The following OR2T3 variants were observed in gnomAD, a reference collection of about 807,000 sequenced individuals.
OR2T3 encodes olfactory receptor 2T3.
For synonymous variants in OR2T3, 66 were observed against 157.4 expected (o/e 0.42, Z 4.35); for missense variants, 159 against 396.3 (o/e 0.40, Z 5.08).
Position 248,473,405 on chromosome 1 carries a change from C to T in OR2T3, c.55C>T (p.Leu19Phe). The change falls in exon 1 of 1, where the codon CTC (leucine) becomes TTC (phenylalanine). Residue 19 changes from leucine to phenylalanine, a missense_variant. Coordinates refer to ENST00000359594, the MANE Select transcript of OR2T3 (RefSeq NM_001005495.1). ...QNQTASTDFT[L>F]TGLFAESKHA... ...TCAAACAGCAAGCACTGATTTCACC[C>T]TCACGGGACTCTTTGCTGAGAGCAA... The T allele has an allele frequency of 6.7e-7, 1 of 1,494,516 alleles. No homozygotes were observed. 92.6% of individuals were successfully genotyped at this position (1,494,516 alleles called of 1,614,324 possible).
In OR2T3 at chr1:248,473,367, A is replaced by G. The variant is rs947088238; in HGVS notation, c.17A>G (p.Gln6Arg). ...GAGCCAGTCATGTGCTCAGGGAATC[A>G]GACTTCTCAGAATCAAACAGCAAGC... Reference protein sequence around the residue: MCSGNQTSQNQTASTD... With the variant: MCSGNRTSQNQTASTD... Residue 6 changes from glutamine (Q) to arginine (R), a missense_variant, in exon 1 of 1, where the codon CAG becomes CGG. By Grantham distance (43) the Gln-to-Arg change is conservative. Transcript: ENST00000359594. 1.4e-6 allele frequency: 2 copies of G among 1,410,274 alleles called. No homozygotes were observed. The highest frequency in any genetic ancestry group is 2.0e-6 in the Non-Finnish European group (2 of 1,004,406). 87.4% of individuals were successfully genotyped at this position (1,410,274 alleles called of 1,614,324 possible).
Position 248,473,997 on chromosome 1 carries a change from T to G in OR2T3, c.647T>G (p.Ile216Ser). ...LCCILMLLAP[I>S]MVISSSYTLI... ...TGCATCCTCATGCTTCTCGCCCCCA[T>G]CATGGTCATCTCCAGCTCATACACC... Residue 216 changes from isoleucine to serine, a missense_variant, in exon 1 of 1, where the codon ATC becomes AGC. Transcript: ENST00000359594. The G allele has an allele frequency of 3.3e-6, 5 of 1,532,130 alleles. No individual in the cohort carries two copies. Among genetic ancestry groups the G allele is most frequent in the Non-Finnish European group, 4.4e-6 (5 of 1,127,122 alleles). The allele number at this position is 1,532,130 out of a possible 1,614,324, so 94.9% of individuals were successfully genotyped here.
In OR2T3 at chr1:248,473,357, T is replaced by C. The variant is rs374584382; in HGVS notation, c.7T>C (p.Ser3Pro). ...GGGGGAAACTGAGCCAGTCATGTGC[T>C]CAGGGAATCAGACTTCTCAGAATCA... MC[S>P]GNQTSQNQTA... The change falls in exon 1 of 1, where the codon TCA becomes CCA. Residue 3 changes from serine (S) to proline (P), a missense_variant. Coordinates refer to ENST00000359594, the MANE Select transcript of OR2T3 (RefSeq NM_001005495.1). The C allele has an allele frequency of 5.7e-6, 8 of 1,397,454 alleles. No individual in the cohort carries two copies. In the African/African-American group the frequency reaches 1.1e-4, roughly 19 times the overall value. The allele number at this position is 1,397,454 out of a possible 1,614,324, so 86.6% of individuals were successfully genotyped here.
chr1:248,473,802 C>CA lies in OR2T3; in HGVS notation c.453dup (p.Ala152SerfsTer9). 1 of 1,595,910 alleles carries CA rather than the reference C, an allele frequency of 6.3e-7. No homozygotes were observed. The highest frequency in any genetic ancestry group is 8.6e-7 in the Non-Finnish European group (1 of 1,167,956). On this transcript the variant is annotated frameshift_variant, in exon 1 of 1. Transcript: ENST00000359594. LOFTEE classifies it low-confidence loss of function (END_TRUNC). Reference sequence around the variant, plus strand: ...CAGAGGGTGTGCCAGCTCCTGGTGTCAGCCTGCTGGGTTTTGGGAATGGTT... The same window carrying CA: ...CAGAGGGTGTGCCAGCTCCTGGTGTCAAGCCTGCTGGGTTTTGGGAATGGTT...
Position 248,474,002 on chromosome 1 carries a change from G to C in OR2T3, c.652G>C (p.Val218Leu), listed in dbSNP as rs148351879. ...CCTCATGCTTCTCGCCCCCATCATGGTCATCTCCAGCTCATACACCCTCAT... is the reference window on the plus strand; with the variant it reads ...CCTCATGCTTCTCGCCCCCATCATGCTCATCTCCAGCTCATACACCCTCAT... Reference protein sequence around the residue: ...CILMLLAPIMVISSSYTLILH... With the variant: ...CILMLLAPIMLISSSYTLILH... Residue 218 changes from valine to leucine, a missense_variant, in exon 1 of 1, where the codon GTC (valine) becomes CTC (leucine). Val to Leu is a conservative substitution (Grantham distance 32). Transcript: ENST00000359594. 5 of 1,550,500 alleles carry C rather than the reference G, an allele frequency of 3.2e-6. No individual in the cohort carries two copies. Among genetic ancestry groups the C allele is most frequent in the Non-Finnish European group, 4.4e-6 (5 of 1,137,778 alleles).
In OR2T3 at chr1:248,473,370, C is replaced by T. The variant is rs1558353323; in HGVS notation, c.20C>T (p.Thr7Ile). 1 of 1,414,402 alleles carries T rather than the reference C, an allele frequency of 7.1e-7. No individual in the cohort carries two copies. Among genetic ancestry groups the T allele is most frequent in the East Asian group, 2.3e-5 (1 of 43,928 alleles). The allele number at this position is 1,414,402 out of a possible 1,614,324, so 87.6% of individuals were successfully genotyped here. A position where few individuals can be genotyped will look rare whatever the true frequency, so the allele number is the denominator to read the frequency against. ...CCAGTCATGTGCTCAGGGAATCAGACTTCTCAGAATCAAACAGCAAGCACT... is the reference window on the plus strand; with the variant it reads ...CCAGTCATGTGCTCAGGGAATCAGATTTCTCAGAATCAAACAGCAAGCACT... MCSGNQ[T>I]SQNQTASTDF... The change falls in exon 1 of 1, where the codon ACT becomes ATT. Residue 7 changes from threonine to isoleucine, a missense_variant. Coordinates refer to ENST00000359594, the MANE Select transcript of OR2T3 (RefSeq NM_001005495.1).
In OR2T3 at chr1:248,473,425, G is replaced by A. The variant is rs375171616; in HGVS notation, c.75G>A (p.Glu25=). 75 of 1,505,082 alleles carry A rather than the reference G, an allele frequency of 5.0e-5. No homozygotes were observed. Among genetic ancestry groups the A allele is most frequent in the Non-Finnish European group, 6.3e-5 (69 of 1,086,876 alleles). 93.2% of individuals were successfully genotyped at this position (1,505,082 alleles called of 1,614,324 possible). Residue 25 remains glutamate, a synonymous_variant, in exon 1 of 1, where the codon GAG becomes GAA. Transcript: ENST00000359594. ...TDFTLTGLFA[E]SKHAALLYTV... Reference sequence around the variant, plus strand: ...TCACCCTCACGGGACTCTTTGCTGAGAGCAAGCATGCTGCCCTCCTCTACA... The same window carrying A: ...TCACCCTCACGGGACTCTTTGCTGAAAGCAAGCATGCTGCCCTCCTCTACA...
Position 248,473,729 on chromosome 1 carries a change from C to A in OR2T3, c.379C>A (p.Arg127=), listed in dbSNP as rs546380813. The A allele has an allele frequency of 3.2e-5, 52 of 1,609,500 alleles. 1 individual carries two copies. Among genetic ancestry groups the A allele is most frequent in the Non-Finnish European group, 4.2e-5 (50 of 1,177,944 alleles). ...VFLLAAMAYD[R]YAAVCRPLHY... is the part of the protein sequence containing the mutation. ...CCTCCTGGCTGCCATGGCCTATGAC[C>A]GATATGCTGCTGTTTGCAGACCTCT... Residue 127 remains arginine (R), a synonymous_variant, in exon 1 of 1, where the codon CGA becomes AGA. Coordinates refer to ENST00000359594, the MANE Select transcript of OR2T3 (RefSeq NM_001005495.1).
Position 248,474,053 on chromosome 1 carries a change from T to A in OR2T3, c.703T>A (p.Ser235Thr). Reference sequence around the variant, plus strand: ...CCTGCATCTCATCCACAGGATGAATTCTGCCGCCGGCCACAGGAAGGCCTT... The same window carrying A: ...CCTGCATCTCATCCACAGGATGAATACTGCCGCCGGCCACAGGAAGGCCTT... ...LILHLIHRMN[S>T]AAGHRKALAT... Residue 235 changes from serine to threonine, a missense_variant, in exon 1 of 1, where the codon TCT becomes ACT. Coordinates refer to ENST00000359594, the MANE Select transcript of OR2T3 (RefSeq NM_001005495.1). The A allele has an allele frequency of 1.2e-6, 2 of 1,603,028 alleles. No individual in the cohort carries two copies. The highest frequency in any genetic ancestry group is 1.7e-6 in the Non-Finnish European group (2 of 1,172,460).
Position 248,473,780 on chromosome 1 carries a change from A to AG in OR2T3, c.433dup (p.Val145GlyfsTer16), listed in dbSNP as rs1663446116. 1 of 1,594,924 alleles carries AG rather than the reference A, an allele frequency of 6.3e-7. No homozygotes were observed. The highest frequency in any genetic ancestry group is 1.4e-5 in the African/African-American group (1 of 73,444). On this transcript the variant is annotated frameshift_variant, in exon 1 of 1. Coordinates refer to ENST00000359594, the MANE Select transcript of OR2T3 (RefSeq NM_001005495.1). LOFTEE classifies it low-confidence loss of function (END_TRUNC). The stretch of plus-strand genomic sequence containing the variant: ...CCATTACCCACTGCTGATGAACCAG[A>AG]GGGTGTGCCAGCTCCTGGTGTCAGC...
chr1:248,473,536 C>T lies in OR2T3; in HGVS notation c.186C>T (p.Thr62=), dbSNP rs143161564. 10,232 of 1,557,606 alleles carry T rather than the reference C, an allele frequency of 6.6e-3. 412 individuals are homozygous for T. In the African/African-American group the frequency reaches 0.13, roughly 19 times the overall value. ...TCCACTCAGAGCCCCGCCTCCACAC[C>T]CCCATGTACTTCTTCATCAGCCAGC... The part of the protein sequence containing the change: ...LLIHSEPRLH[T]PMYFFISQLA... The change falls in exon 1 of 1, where the codon ACC becomes ACT. Residue 62 remains threonine, a synonymous_variant. Coordinates refer to ENST00000359594, the MANE Select transcript of OR2T3 (RefSeq NM_001005495.1).
At position 248,473,786 on chromosome 1, in the gene OR2T3, TG is replaced by T. The variant is rs770802484; in HGVS notation, c.437del (p.Cys146SerfsTer24). 157 of 1,595,230 alleles carry T rather than the reference TG, an allele frequency of 9.8e-5. No homozygotes were observed. The highest frequency in any genetic ancestry group is 1.3e-4 in the Non-Finnish European group (149 of 1,167,690). On this transcript the variant is annotated frameshift_variant, in exon 1 of 1. Coordinates refer to ENST00000359594, the MANE Select transcript of OR2T3 (RefSeq NM_001005495.1). LOFTEE classifies it low-confidence loss of function (END_TRUNC). ...CCCACTGCTGATGAACCAGAGGGTG[TG>T]CCAGCTCCTGGTGTCAGCCTGCTGG... ...HYPLLMNQRV[C>X]QLLVSACWVL...
rs777661054 is a variant in OR2T3, at chr1:248,473,682, C to T, written c.332C>T (p.Thr111Ile). 2 of 1,612,106 alleles carry T rather than the reference C, an allele frequency of 1.2e-6. No individual in the cohort carries two copies. The highest frequency in any genetic ancestry group is 1.7e-5 in the Admixed American group (1 of 59,888). ...GCGIQMFFYL[T>I]LAGAEVFLLA... is the part of the protein sequence containing the mutation. ...GGGATCCAGATGTTCTTCTACCTGA[C>T]CCTGGCTGGAGCTGAGGTTTTCCTC... The change falls in exon 1 of 1, where the codon ACC (threonine) becomes ATC (isoleucine). Residue 111 changes from threonine to isoleucine, a missense_variant. Transcript: ENST00000359594.
Position 248,473,566 on chromosome 1 carries a change from G to A in OR2T3, c.216G>A (p.Ala72=), listed in dbSNP as rs201514441. 3.3e-4 allele frequency: 525 copies of A among 1,569,542 alleles called. 2 individuals are homozygous for A. Among genetic ancestry groups the A allele is most frequent in the Middle Eastern group, 2.4e-3 (14 of 5,944 alleles). ...TGTACTTCTTCATCAGCCAGCTCGC[G>A]CTCATGGATCTCATGTACCTATGCG... ...TPMYFFISQL[A]LMDLMYLCVT... The change falls in exon 1 of 1, where the codon GCG becomes GCA. Residue 72 remains alanine, a synonymous_variant. Coordinates refer to ENST00000359594, the MANE Select transcript of OR2T3 (RefSeq NM_001005495.1).
rs372158395 is a variant in OR2T3 at position 248,473,720 on chromosome 1, G to A, written c.370G>A (p.Ala124Thr). Residue 124 changes from alanine to threonine, a missense_variant, in exon 1 of 1, where the codon GCC (alanine) becomes ACC (threonine). Coordinates refer to ENST00000359594, the MANE Select transcript of OR2T3 (RefSeq NM_001005495.1). ...GAEVFLLAAMAYDRYAAVCRP... is the reference protein window; with the variant it reads ...GAEVFLLAAMTYDRYAAVCRP... The stretch of plus-strand genomic sequence containing the variant: ...TGAGGTTTTCCTCCTGGCTGCCATG[G>A]CCTATGACCGATATGCTGCTGTTTG... The A allele has an allele frequency of 2.0e-5, 33 of 1,611,194 alleles. No homozygotes were observed. The African/African-American group carries it at 3.4e-4, about 17-fold the overall frequency.
At position 248,473,969 on chromosome 1, in the gene OR2T3, T is replaced by G. The variant is rs777561818; in HGVS notation, c.619T>G (p.Cys207Gly). 4 of 1,504,538 alleles carry G rather than the reference T, an allele frequency of 2.7e-6. 1 individual carries two copies. Among genetic ancestry groups the G allele is most frequent in the Non-Finnish European group, 2.7e-6 (3 of 1,116,088 alleles). The allele number at this position is 1,504,538 out of a possible 1,614,324, so 93.2% of individuals were successfully genotyped here. A position where few individuals can be genotyped will look rare whatever the true frequency, so the allele number is the denominator to read the frequency against. Residue 207 changes from cysteine to glycine, a missense_variant, in exon 1 of 1, where the codon TGC becomes GGC. By Grantham distance (159) the Cys-to-Gly change is radical (BLOSUM62 -3). Coordinates refer to ENST00000359594, the MANE Select transcript of OR2T3 (RefSeq NM_001005495.1). ...CCTCTATAAGACGCTCATGTACCTG[T>G]GCTGCATCCTCATGCTTCTCGCCCC... ...VSLYKTLMYL[C>G]CILMLLAPIM...
chr1:248,473,541 T>C lies in OR2T3; in HGVS notation c.191T>C (p.Met64Thr), dbSNP rs74154457. The change falls in exon 1 of 1, where the codon ATG becomes ACG. Residue 64 changes from methionine to threonine, a missense_variant. Coordinates refer to ENST00000359594, the MANE Select transcript of OR2T3 (RefSeq NM_001005495.1). ...IHSEPRLHTP[M>T]YFFISQLALM... The stretch of plus-strand genomic sequence containing the variant: ...TCAGAGCCCCGCCTCCACACCCCCA[T>C]GTACTTCTTCATCAGCCAGCTCGCG... 4.3e-3 allele frequency: 6,775 copies of C among 1,561,728 alleles called. 22 individuals are homozygous for C. In the African/African-American group the frequency reaches 0.083, roughly 19 times the overall value.
rs767565031 is a variant in OR2T3 at position 248,473,837 on chromosome 1, T to C, written c.487T>C (p.Leu163=). 3.4e-5 allele frequency: 55 copies of C among 1,598,448 alleles called. No individual in the cohort carries two copies. The highest frequency in any genetic ancestry group is 3.3e-4 in the Middle Eastern group (2 of 6,020). The change falls in exon 1 of 1, where the codon TTG becomes CTG. Residue 163 remains leucine (L), a synonymous_variant. Coordinates refer to ENST00000359594, the MANE Select transcript of OR2T3 (RefSeq NM_001005495.1). ...GGTTTTGGGAATGGTTGATGGTTTG[T>C]TGCTCACCCCCATTACCATGAGCTT... is the stretch of plus-strand genomic sequence containing the variant. The part of the protein sequence containing the change: ...CWVLGMVDGL[L]LTPITMSFPF...
At position 248,474,024 on chromosome 1, in the gene OR2T3, T is replaced by C. The variant is rs766187701; in HGVS notation, c.674T>C (p.Leu225Pro). ...PIMVISSSYT[L>P]ILHLIHRMNS... ...ATGGTCATCTCCAGCTCATACACCC[T>C]CATCCTGCATCTCATCCACAGGATG... Residue 225 changes from leucine to proline, a missense_variant, in exon 1 of 1, where the codon CTC (leucine) becomes CCC (proline). Transcript: ENST00000359594. 8 of 1,593,050 alleles carry C rather than the reference T, an allele frequency of 5.0e-6. No homozygotes were observed. In the African/African-American group the frequency reaches 1.1e-4, roughly 22 times the overall value.
Sources: allele counts gnomAD v4.1 joint callset, GRCh38; gene constraint gnomAD v4.1.1; transcripts MANE v1.5; gene names NCBI Gene and HGNC (gene_info 2026-07-23, HGNC 2026-07-21).